PRKCE: variants seen among roughly 807,000 people sequenced by gnomAD.
PRKCE encodes the protein protein kinase C epsilon.
Under a neutral mutation model 85.4 loss-of-function variants are expected in PRKCE, and 16 were observed. The ratio of observed to expected loss-of-function variants is 0.19; its 90% CI spans 0.13 to 0.28. The LOEUF (loss-of-function observed/expected upper bound fraction) is 0.28. Among genes scored for constraint, PRKCE ranks in the 10% least tolerant of loss-of-function variants. The pLI is 1.00. For synonymous variants in PRKCE, 388 were observed against 371.5 expected, an observed-to-expected ratio of 1.04 and a Z score of -0.51; for missense variants, 573 against 975.2, an observed-to-expected ratio of 0.59 and a Z score of 5.49.
chr2:45,665,044 G>A (rs1022403089), intron 1 of PRKCE, among the ~76,000 whole-genome samples: 5 of 152,234 alleles, frequency 3.3e-5, no homozygotes, highest in African/African-American at 9.6e-5. Flanking sequence ...TTGCTAAAGA[G>A]TAACAAGAGT....
chr2:45,905,299 CA>C lies in PRKCE; in HGVS notation c.412+62245del, dbSNP rs201964773. On this transcript the variant is annotated intron_variant, in intron 2 of 14. Transcript: ENST00000306156. This position sits in a 1 kb window ranked among gnomAD's most constrained non-coding sequence, Gnocchi z 4.4. Reference sequence around the variant, plus strand: ...TGGTAGTGGGAAAACAGGGAAGCTCCAAAAAAAAAGTAACTCAGAGGTCAAG... The same window carrying C: ...TGGTAGTGGGAAAACAGGGAAGCTCCAAAAAAAAGTAACTCAGAGGTCAAG... Among the ~76,000 whole-genome samples, 4 of 150,092 alleles carry C rather than the reference CA, an allele frequency of 2.7e-5. No individual in the cohort carries two copies. Among genetic ancestry groups the C allele is most frequent in the Admixed American group, 6.6e-5 (1 of 15,086 alleles).
chr2:45,819,456 C>G (rs996912669), intron 1 of PRKCE, among the ~76,000 whole-genome samples: 5 of 152,192 alleles, frequency 3.3e-5, no homozygotes, highest in African/African-American at 1.2e-4. Flanking sequence ...CCCAAGAGGA[C>G]ACATTGTCCT....
rs145446464 is a variant in PRKCE, at chr2:45,968,527, A to G, written c.413-7902A>G. On this transcript the variant is annotated intron_variant, in intron 2 of 14. Coordinates refer to ENST00000306156, the MANE Select transcript of PRKCE (RefSeq NM_005400.3). ...ATGAAAAACTACCTATTGGGGTACA[A>G]TGTACACAACTCAGGTGACAGGTAC... Among the ~76,000 whole-genome samples the G allele has an allele frequency of 2.2e-4, 34 of 152,348 alleles. No individual in the cohort carries two copies. The East Asian group carries it at 4.8e-3, about 22-fold the overall frequency.
chr2:45,708,422 T>C (rs1425292840), intron 1 of PRKCE, among the ~76,000 whole-genome samples: 1 of 152,170 alleles, frequency 6.6e-6, no homozygotes, highest in East Asian at 1.9e-4. Context: ...AATTGAATCA[T>C]GGGGCCAGGT....
chr2:45,949,792 T>A (rs112271742), intron 2 of PRKCE, among the ~76,000 whole-genome samples: 15 of 152,132 alleles, frequency 9.9e-5, no homozygotes, highest in African/African-American at 3.6e-4. Context: ...TCATCTCTGT[T>A]CTATCCCTTT....
At chr2:45,976,818 A>G (rs1383785665) in intron 3 of PRKCE, among the ~76,000 whole-genome samples, 2 of 151,670 alleles carry the variant, frequency 1.3e-5, no homozygotes, top group South Asian at 2.1e-4. Context: ...AATTTTATGA[A>G]AAGAGTTAAG....
rs1459229719 is a variant in PRKCE, at chr2:45,772,969, GT to G, written c.349-70030del. Among the ~76,000 whole-genome samples, 7 of 152,262 alleles carry G rather than the reference GT, an allele frequency of 4.6e-5. No homozygotes were observed. In the East Asian group the frequency reaches 1.4e-3, roughly 29 times the overall value. ...TGGTGATGGCAGGTGGCTGGGCCGT[GT>G]ATGACTGGGAAGGCTTTCTGGGAGA... On this transcript the variant is annotated intron_variant, in intron 1 of 14. Coordinates refer to ENST00000306156, the MANE Select transcript of PRKCE (RefSeq NM_005400.3).
intron 2 of PRKCE, among the ~76,000 whole-genome samples, chr2:45,913,648 C>T (rs1697541898): frequency 6.6e-6 from 1 of 152,228 alleles, no homozygotes; most frequent in African/African-American, 2.4e-5. Flanking sequence ...AGACCTTCTT[C>T]AGCATTAGTA....
Position 46,066,314 on chromosome 2 carries a change from G to A in PRKCE, c.1438-19894G>A, listed in dbSNP as rs113830055. Among the ~76,000 whole-genome samples, 9 of 152,294 alleles carry A rather than the reference G, an allele frequency of 5.9e-5. No homozygotes were observed. In the South Asian group the frequency reaches 1.7e-3, roughly 28 times the overall value. The stretch of plus-strand genomic sequence containing the variant: ...AAGTTACCCCCAAGAAAATGTTGAA[G>A]TAATGAGTCACCTACCTCACTTCAT... On this transcript the variant is annotated intron_variant, in intron 10 of 14. Transcript: ENST00000306156.
intron 11 of PRKCE, among the ~76,000 whole-genome samples, chr2:46,133,303 G>C (rs1322562030): frequency 1.3e-5 from 2 of 152,160 alleles, no homozygotes; most frequent in Admixed American, 6.5e-5. Context: ...GGGCCCAAAA[G>C]AGGTGAAACC....
chr2:45,949,218 C>T (rs1700445554), intron 2 of PRKCE, among the ~76,000 whole-genome samples: 1 of 152,230 alleles, frequency 6.6e-6, no homozygotes, highest in African/African-American at 2.4e-5. Flanking sequence ...CATTAGCTCA[C>T]ATCCCCACCG....
At chr2:46,022,854 C>T (rs1027637634) in intron 10 of PRKCE, among the ~76,000 whole-genome samples, 9 of 152,064 alleles carry the variant, frequency 5.9e-5, no homozygotes, top group Admixed American at 3.3e-4. Flanking sequence ...GAGGCCGAGG[C>T]GGGTGGATCA....
At chr2:45,831,575 T>C (rs1394012796) in intron 1 of PRKCE, among the ~76,000 whole-genome samples, 1 of 152,156 alleles carries the variant, frequency 6.6e-6, no homozygotes, top group Non-Finnish European at 1.5e-5. Flanking sequence ...ACAGAATTTG[T>C]GATGTATAAC....
chr2:45,822,306 G>A (rs11125034), intron 1 of PRKCE, among the ~76,000 whole-genome samples: 34,067 of 152,164 alleles, frequency 0.22, 5,437 homozygotes, highest in African/African-American at 0.45. Context: ...GCCGATTTAC[G>A]GAGGATGAAA....
At chr2:45,881,567 T>A (rs1237605292) in intron 2 of PRKCE, among the ~76,000 whole-genome samples, 1 of 152,244 alleles carries the variant, frequency 6.6e-6, no homozygotes, top group Non-Finnish European at 1.5e-5. Flanking sequence ...AAGCCAACTC[T>A]TACATAGTGC....
intron 1 of PRKCE, among the ~76,000 whole-genome samples, chr2:45,765,613 C>G (rs1228599680): frequency 6.6e-6 from 1 of 152,240 alleles, no homozygotes; most frequent in African/African-American, 2.4e-5. Flanking sequence ...TCCTCTTCCC[C>G]TTTTTCCTTT....
chr2:45,918,858 C>T (rs1362774487), intron 2 of PRKCE, among the ~76,000 whole-genome samples: 1 of 152,156 alleles, frequency 6.6e-6, no homozygotes, highest in African/African-American at 2.4e-5. Context: ...AAGGACAGGC[C>T]GTATTATTGA....
intron 11 of PRKCE, among the ~76,000 whole-genome samples, chr2:46,105,974 T>C (rs1440195602): frequency 6.6e-6 from 1 of 152,258 alleles, no homozygotes; most frequent in Non-Finnish European, 1.5e-5. Context: ...ATGTATGTTT[T>C]ATAGTAGTAA....
chr2:46,044,105 A>T (rs1270243201), intron 10 of PRKCE, among the ~76,000 whole-genome samples: 4 of 152,196 alleles, frequency 2.6e-5, no homozygotes, highest in Non-Finnish European at 4.4e-5. Flanking sequence ...AATTCAATTC[A>T]ATTCTGTATT....
Sources: allele counts gnomAD v4.1 joint callset (sites outside exome capture counted in the v4.1 genomes callset), GRCh38; gene constraint gnomAD v4.1.1; non-coding constraint Gnocchi (gnomAD v3.1); transcripts MANE v1.5; gene names NCBI Gene and HGNC (gene_info 2026-07-23, HGNC 2026-07-21).